The following TNNI3K variants were observed in gnomAD, a reference collection of about 807,000 sequenced individuals.
TNNI3K encodes TNNI3 interacting kinase, also known as serine/threonine-protein kinase TNNI3K.
In TNNI3K, 140 loss-of-function variants were observed where a neutral mutation model predicts 114.5. That is an observed-to-expected ratio of 1.22 (90% CI 1.07 to 1.41). The LOEUF (loss-of-function observed/expected upper bound fraction) is 1.41, where lower values mean the gene tolerates loss of function less well. Ranked by LOEUF, TNNI3K falls within the 40% of genes most tolerant of loss-of-function variation. The pLI is 0.00. For synonymous variants in TNNI3K, 347 were observed against 347.5 expected, an observed-to-expected ratio of 1.00 and a Z score of 0.02; for missense variants, 1,125 against 1,007.6, an observed-to-expected ratio of 1.12 and a Z score of -1.58.
At chr1:74,286,482 C>A (rs564260949) in intron 5 of TNNI3K, among the ~76,000 whole-genome samples, 2 of 152,262 alleles carry the variant, frequency 1.3e-5, no homozygotes, top group Non-Finnish European at 2.9e-5. Flanking sequence ...CTACTAGGGA[C>A]TAGAGTTCAT....
chr1:74,368,472 G>A, intron 13 of TNNI3K, among the ~76,000 whole-genome samples: 1 of 151,780 alleles, frequency 6.6e-6, no homozygotes, highest in Non-Finnish European at 1.5e-5. Flanking sequence ...TTAGAATGTA[G>A]AATGAGTGTT....
At chr1:74,439,339 A>G in intron 19 of TNNI3K, 151 bp from the exon 20 acceptor site, 1 of 1,257,834 alleles carries the variant, frequency 8.0e-7, no homozygotes, top group Non-Finnish European at 1.1e-6. Flanking sequence ...TATTGCACAC[A>G]CTGAGGGCAA....
chr1:74,347,360 A>G (rs1464459707), intron 9 of TNNI3K, among the ~76,000 whole-genome samples: 1 of 151,896 alleles, frequency 6.6e-6, no homozygotes, highest in East Asian at 1.9e-4. Context: ...ATAGTATTCC[A>G]TGGTGTATAT....
chr1:74,420,577 A>T (rs894773304), intron 17 of TNNI3K, among the ~76,000 whole-genome samples: 4 of 152,124 alleles, frequency 2.6e-5, no homozygotes, highest in Non-Finnish European at 5.9e-5. Context: ...TTACTTTATC[A>T]GGAGAGAACA....
intron 7 of TNNI3K, among the ~76,000 whole-genome samples, chr1:74,337,921 A>G (rs1442392046): frequency 2.0e-5 from 3 of 152,130 alleles, no homozygotes; most frequent in South Asian, 4.1e-4. Flanking sequence ...TGAATATACC[A>G]TAATTGGCAT....
chr1:74,350,214 T>C (rs1254530553), intron 9 of TNNI3K, among the ~76,000 whole-genome samples: 1 of 152,212 alleles, frequency 6.6e-6, no homozygotes, highest in African/African-American at 2.4e-5. Context: ...TATGTCTGCC[T>C]TCATTTCGTT....
At chr1:74,478,885 C>A (rs1279378069) in intron 21 of TNNI3K, among the ~76,000 whole-genome samples, 1 of 152,168 alleles carries the variant, frequency 6.6e-6, no homozygotes, top group Non-Finnish European at 1.5e-5. Context: ...TTAGCACATA[C>A]AATTACTGAC....
chr1:74,453,078 G>T (rs1201603193), intron 20 of TNNI3K, among the ~76,000 whole-genome samples: 1 of 151,974 alleles, frequency 6.6e-6, no homozygotes, highest in East Asian at 1.9e-4. Flanking sequence ...TCACAGTTTT[G>T]TAATTTTCTC....
intron 7 of TNNI3K, 115 bp downstream of exon 7, chr1:74,336,264 T>G: frequency 3.1e-6 from 4 of 1,298,670 alleles, no homozygotes; most frequent in Non-Finnish European, 3.0e-6. Context: ...AGTCATGTAC[T>G]TATTTGCTCC....
At chr1:74,360,778 A>T (rs1661921367) in intron 11 of TNNI3K, among the ~76,000 whole-genome samples, 1 of 152,072 alleles carries the variant, frequency 6.6e-6, no homozygotes. Context: ...AGCCTAGCAC[A>T]TACATCCTTT....
chr1:74,520,935 G>A (rs1646423649), intron 23 of TNNI3K, among the ~76,000 whole-genome samples: 1 of 152,104 alleles, frequency 6.6e-6, no homozygotes, highest in South Asian at 2.1e-4. Context: ...GGTGACATGG[G>A]AGCAGAGGTG....
At chr1:74,385,368 A>G (rs1291129464) in intron 17 of TNNI3K, among the ~76,000 whole-genome samples, 1 of 152,182 alleles carries the variant, frequency 6.6e-6, no homozygotes, top group Non-Finnish European at 1.5e-5. Context: ...GTCTTTAAGT[A>G]GATGTAGTTC....
chr1:74,471,120 A>G, intron 21 of TNNI3K: 1 of 400,790 alleles, frequency 2.5e-6, no homozygotes, highest in Non-Finnish European at 4.4e-6. Context: ...ATGTGTTTCC[A>G]TCAGGAATGT....
chr1:74,333,769 T>G (rs1660332114), intron 6 of TNNI3K, among the ~76,000 whole-genome samples: 1 of 152,234 alleles, frequency 6.6e-6, no homozygotes. Context: ...AGTAGATGTT[T>G]TGCACCAAGA....
At chr1:74,540,987 G>A (rs997485927) in intron 24 of TNNI3K, among the ~76,000 whole-genome samples, 1 of 152,208 alleles carries the variant, frequency 6.6e-6, no homozygotes, top group Admixed American at 6.6e-5. Context: ...ATATCAATGT[G>A]TTAGGGCTGG....
intron 17 of TNNI3K, among the ~76,000 whole-genome samples, chr1:74,411,624 A>G (rs1049866497): frequency 1.3e-5 from 2 of 152,030 alleles, no homozygotes; most frequent in Admixed American, 1.3e-4. Flanking sequence ...ATTGCCTACT[A>G]TGTGTCTTAC....
At chr1:74,515,521 T>C (rs1646337048) in intron 23 of TNNI3K, among the ~76,000 whole-genome samples, 1 of 152,124 alleles carries the variant, frequency 6.6e-6, no homozygotes, top group South Asian at 2.1e-4. Flanking sequence ...TCTCTGATGG[T>C]TGCTGTTGGC....
At chr1:74,431,722 G>C (rs1277793393) in intron 17 of TNNI3K, among the ~76,000 whole-genome samples, 1 of 152,088 alleles carries the variant, frequency 6.6e-6, no homozygotes, top group South Asian at 2.1e-4. Context: ...AAAGCAGCGT[G>C]ATCAAAAGGA....
chr1:74,265,693 G>T (rs1239851042), intron 4 of TNNI3K, among the ~76,000 whole-genome samples: 1 of 151,992 alleles, frequency 6.6e-6, no homozygotes, highest in Non-Finnish European at 1.5e-5. Flanking sequence ...ATGAATTACA[G>T]CATTATCTGA....
Sources: allele counts gnomAD v4.1 joint callset (sites outside exome capture counted in the v4.1 genomes callset), GRCh38; gene constraint gnomAD v4.1.1; transcripts MANE v1.5; gene names NCBI Gene and HGNC (gene_info 2026-07-23, HGNC 2026-07-21).